Variants in TPO observed in about 807,000 individuals in gnomAD.
The protein encoded by TPO is thyroid peroxidase.
TPO carries 78 observed loss-of-function variants against 96.9 expected under a neutral mutation model. The ratio of observed to expected loss-of-function variants is 0.81; its 90% CI spans 0.67 to 0.97. TPO has a LOEUF of 0.97. Ranked by LOEUF, TPO falls within the 50% of genes least tolerant of loss-of-function variation. The probability of loss-of-function intolerance (pLI) is 0.00; values close to 1 mark genes in which losing one functional copy is unlikely to be tolerated. For synonymous variants in TPO, 547 were observed against 538.0 expected, an observed-to-expected ratio of 1.02 and a Z score of -0.23; for missense variants, 1,252 against 1,274.8, an observed-to-expected ratio of 0.98 and a Z score of 0.27.
intron 7 of TPO, among the ~76,000 whole-genome samples, chr2:1,459,877 C>T (rs368250092): frequency 1.3e-5 from 2 of 152,176 alleles, no homozygotes; most frequent in East Asian, 3.9e-4. Context: ...TCTGCAGAGC[C>T]CCCTCACCAG....
At chr2:1,479,810 C>T (rs1388083138) in intron 8 of TPO, among the ~76,000 whole-genome samples, 2 of 151,092 alleles carry the variant, frequency 1.3e-5, no homozygotes, top group Non-Finnish European at 2.9e-5. Flanking sequence ...TTGAGACAGT[C>T]TCACTCTGTC....
intron 2 of TPO, among the ~76,000 whole-genome samples, chr2:1,422,388 C>CTCTCCTGGACA (rs1573110964): frequency 3.9e-5 from 6 of 152,118 alleles, no homozygotes; most frequent in South Asian, 4.2e-4. Context: ...GTGCAGGCGC[C>CTCTCCTGGACA]GCGCTGGGCC....
intron 14 of TPO, among the ~76,000 whole-genome samples, chr2:1,506,483 A>G (rs1673477415): frequency 6.6e-6 from 1 of 152,178 alleles, no homozygotes; most frequent in Non-Finnish European, 1.5e-5. Flanking sequence ...TGGTTGAACT[A>G]GTTTACAGTC....
chr2:1,375,301 A>C (rs537925752), intron 1 of TPO, among the ~76,000 whole-genome samples: 57 of 152,206 alleles, frequency 3.7e-4, no homozygotes, highest in African/African-American at 1.3e-3. Context: ...GGGAGGATTT[A>C]TTTTGGTTTA....
intron 15 of TPO, among the ~76,000 whole-genome samples, chr2:1,540,007 G>A (rs1211583834): frequency 1.3e-5 from 2 of 152,094 alleles, no homozygotes; most frequent in Non-Finnish European, 2.9e-5. Flanking sequence ...ATGTATTTCC[G>A]GGTAACTTGC....
At chr2:1,512,277 CTT>C (rs1334620728) in intron 14 of TPO, 1 of 441,068 alleles carries the variant, frequency 2.3e-6, no homozygotes. Flanking sequence ...CTTAAGGACT[CTT>C]TTCTATAAAC....
intron 3 of TPO, 22 bp from the exon 4 acceptor site, chr2:1,433,409 CTATTTTA>C (rs1665229275): frequency 6.2e-7 from 1 of 1,612,216 alleles, no homozygotes; most frequent in Non-Finnish European, 8.5e-7. Flanking sequence ...GACAAATAAT[CTATTTTA>C]TATCTTCTTT....
At chr2:1,422,320 C>CTCGGGCAGGCGCCTCTCCTGGACAGACT in intron 2 of TPO, among the ~76,000 whole-genome samples, 1 of 131,480 alleles carries the variant, frequency 7.6e-6, no homozygotes, top group South Asian at 2.4e-4. Flanking sequence ...CTGGACAGAC[C>CTCGGGCAGGCGCCTCTCCTGGACAGACT]TCGTGCAGGC....
chr2:1,503,348 C>T (rs1271416343), intron 13 of TPO, among the ~76,000 whole-genome samples: 1 of 152,248 alleles, frequency 6.6e-6, no homozygotes, highest in Non-Finnish European at 1.5e-5. Flanking sequence ...AGACCTGTGA[C>T]ACGCTACAGC....
intron 7 of TPO, among the ~76,000 whole-genome samples, chr2:1,463,135 G>T (rs1419689472): frequency 2.0e-5 from 3 of 152,184 alleles, no homozygotes; most frequent in African/African-American, 7.2e-5. Context: ...TGAGAACGTG[G>T]GAGAGGCCCC....
intron 14 of TPO, among the ~76,000 whole-genome samples, chr2:1,516,156 A>G (rs1674679348): frequency 6.6e-6 from 1 of 152,136 alleles, no homozygotes; most frequent in South Asian, 2.1e-4. Flanking sequence ...ACACAGGTCC[A>G]GGTGGGAGGC....
chr2:1,531,707 C>A lies in TPO; in HGVS notation c.2619-8887C>A, dbSNP rs1392143892. 7.4e-5 allele frequency among the ~76,000 whole-genome samples: 7 copies of A among 94,910 alleles called. 1 individual carries two copies. Among genetic ancestry groups the A allele is most frequent in the Admixed American group, 1.2e-4 (1 of 8,642 alleles). The allele number at this position is 94,910 out of a possible 152,430, so 62.3% of individuals were successfully genotyped here. On this transcript the variant is annotated intron_variant, in intron 15 of 16. Transcript: ENST00000329066. ...TCCCGCCCACTCTTTGCAACCTCGC[C>A]AAATCCCCCCCACTCTCTGCAACCT...
chr2:1,383,970 A>G (rs1010195312), intron 1 of TPO, among the ~76,000 whole-genome samples: 6 of 152,218 alleles, frequency 3.9e-5, no homozygotes, highest in African/African-American at 1.2e-4. Flanking sequence ...TTTGTTAAAT[A>G]GGGAATACTT....
At position 1,477,394 on chromosome 2, in the gene TPO, G is replaced by A. The variant is rs1382476695; in HGVS notation, c.1128G>A (p.Ala376=). Residue 376 remains alanine (A), a synonymous_variant, in exon 8 of 17, where the codon GCG becomes GCA. Coordinates refer to ENST00000329066, the MANE Select transcript of TPO (RefSeq NM_001206744.2). ...FVPPRAPAAC[A]PEPGIPGETR... ...CGCCACGCGCGCCTGCGGCCTGTGC[G>A]CCCGAGCCCGGCATCCCCGGAGAGA... 1 of 1,525,010 alleles carries A rather than the reference G, an allele frequency of 6.6e-7. No individual in the cohort carries two copies. Among genetic ancestry groups the A allele is most frequent in the Admixed American group, 2.0e-5 (1 of 49,346 alleles). The allele number at this position is 1,525,010 out of a possible 1,614,324, so 94.5% of individuals were successfully genotyped here. A position where few individuals can be genotyped will look rare whatever the true frequency, so the allele number is the denominator to read the frequency against.
At chr2:1,444,636 G>T (rs1398163061) in intron 5 of TPO, among the ~76,000 whole-genome samples, 1 of 3,908 alleles carries the variant, frequency 2.6e-4, no homozygotes, top group African/African-American at 5.6e-4. Context: ...GGAAGGGAAT[G>T]GGGCAGGCTC....
At chr2:1,426,275 C>T (rs1232608411) in intron 3 of TPO, among the ~76,000 whole-genome samples, 2 of 145,322 alleles carry the variant, frequency 1.4e-5, no homozygotes, top group South Asian at 2.2e-4. Flanking sequence ...CTCAGAAGTC[C>T]ATGCTCCTTC....
chr2:1,455,378 C>T (rs73908724), intron 6 of TPO, among the ~76,000 whole-genome samples: 1 of 152,166 alleles, frequency 6.6e-6, no homozygotes, highest in South Asian at 2.1e-4. Context: ...AAGGTTCCCC[C>T]AAACCCCATC....
chr2:1,436,359 C>T lies in TPO; in HGVS notation c.457C>T (p.Pro153Ser), dbSNP rs1169970988. Residue 153 changes from proline to serine, a missense_variant, in exon 5 of 17, where the codon CCC becomes TCC. Pro to Ser is a moderately conservative substitution (Grantham distance 74, BLOSUM62 -1). Coordinates refer to ENST00000329066, the MANE Select transcript of TPO (RefSeq NM_001206744.2). ...PNTCLANKYR[P>S]ITGACNNRDH... ...CACTTGCCTGGCGAACAAATACAGG[C>T]CCATCACAGGAGCTTGCAACAACAG... is the stretch of plus-strand genomic sequence containing the variant. 14 of 1,614,192 alleles carry T rather than the reference C, an allele frequency of 8.7e-6. No homozygotes were observed. The highest frequency in any genetic ancestry group is 1.2e-5 in the Non-Finnish European group (14 of 1,180,036).
chr2:1,428,479 C>G (rs1015169657), intron 3 of TPO, among the ~76,000 whole-genome samples: 7 of 152,214 alleles, frequency 4.6e-5, no homozygotes, highest in African/African-American at 1.4e-4. Context: ...GCCTGGGGAC[C>G]TATCCGGGGG....
Sources: allele counts gnomAD v4.1 joint callset (sites outside exome capture counted in the v4.1 genomes callset), GRCh38; gene constraint gnomAD v4.1.1; transcripts MANE v1.5; gene names NCBI Gene and HGNC (gene_info 2026-07-23, HGNC 2026-07-21).